The following FAM227B variants were observed in gnomAD, a reference collection of about 807,000 sequenced individuals.
The protein encoded by FAM227B is protein FAM227B.
A neutral mutation model predicts 73.8 loss-of-function variants in FAM227B; 88 were observed. That is an observed-to-expected ratio of 1.19 (90% CI 1.00 to 1.42). The LOEUF is 1.42. Ranked by LOEUF, FAM227B falls within the 40% of genes most tolerant of loss-of-function variation. The probability of loss-of-function intolerance (pLI) is 0.00; values close to 1 mark genes in which losing one functional copy is unlikely to be tolerated. For missense variants in FAM227B, 632 were observed against 590.9 expected (o/e 1.07, Z -0.72); for synonymous variants, 210 against 190.5 (o/e 1.10, Z -0.84).
intron 11 of FAM227B, among the ~76,000 whole-genome samples, chr15:49,500,360 A>T (rs982125851): frequency 2.0e-5 from 3 of 152,236 alleles, no homozygotes; most frequent in African/African-American, 7.2e-5. Context: ...TGGGGGCAGA[A>T]CCCCACAAAG....
chr15:49,359,126 A>G (rs1324294484), intron 13 of FAM227B, among the ~76,000 whole-genome samples: 1 of 151,496 alleles, frequency 6.6e-6, no homozygotes, highest in Non-Finnish European at 1.5e-5. Context: ...ACCTAAAACC[A>G]TAAAAACCCT....
intron 13 of FAM227B, among the ~76,000 whole-genome samples, chr15:49,361,629 T>G (rs974457394): frequency 2.0e-5 from 3 of 152,234 alleles, no homozygotes; most frequent in Non-Finnish European, 4.4e-5. Context: ...TACCACGTTT[T>G]CTTTACCTAG....
chr15:49,441,538 A>C (rs185068907), intron 11 of FAM227B, among the ~76,000 whole-genome samples: 1 of 151,772 alleles, frequency 6.6e-6, no homozygotes, highest in Admixed American at 6.6e-5. Flanking sequence ...CATTACAGAC[A>C]AAGTGGGACA....
intron 1 of FAM227B, among the ~76,000 whole-genome samples, chr15:49,618,122 A>C (rs1181713528): frequency 2.0e-5 from 3 of 152,218 alleles, no homozygotes; most frequent in African/African-American, 7.2e-5. Flanking sequence ...TCCTTTTGCC[A>C]TATAAAATAT....
intron 13 of FAM227B, among the ~76,000 whole-genome samples, chr15:49,363,262 A>C (rs907986607): frequency 6.6e-6 from 1 of 152,192 alleles, no homozygotes; most frequent in African/African-American, 2.4e-5. Context: ...CAATCATTGA[A>C]TGTTCTTCCA....
intron 3 of FAM227B, among the ~76,000 whole-genome samples, chr15:49,607,243 CCCT>C (rs980093311): frequency 3.9e-4 from 59 of 152,090 alleles, no homozygotes; most frequent in Non-Finnish European, 7.5e-4. Flanking sequence ...AAAAAGGTCC[CCCT>C]GTCATTTTGA....
chr15:49,523,733 T>C (rs1279651163), intron 10 of FAM227B, among the ~76,000 whole-genome samples: 3 of 152,202 alleles, frequency 2.0e-5, no homozygotes. Context: ...TGGCTTTCAC[T>C]ATCAGCATTT....
intron 13 of FAM227B, among the ~76,000 whole-genome samples, chr15:49,358,376 A>G (rs2043557579): frequency 8.4e-6 from 1 of 118,646 alleles, no homozygotes; most frequent in Non-Finnish European, 1.8e-5. Flanking sequence ...GCTGATAAGC[A>G]ACTTCAGCAA....
chr15:49,473,201 G>A (rs182827626), intron 11 of FAM227B, among the ~76,000 whole-genome samples: 2 of 152,242 alleles, frequency 1.3e-5, no homozygotes, highest in East Asian at 3.9e-4. Context: ...TTAGAAAGAT[G>A]AGACAGATTT....
At chr15:49,573,440 T>C (rs1470978667) in intron 8 of FAM227B, among the ~76,000 whole-genome samples, 1 of 152,218 alleles carries the variant, frequency 6.6e-6, no homozygotes, top group Non-Finnish European at 1.5e-5. Context: ...CCAAAGTTCA[T>C]GTATTGAAAA....
At chr15:49,539,322 T>C (rs2070725301) in intron 10 of FAM227B, among the ~76,000 whole-genome samples, 1 of 152,206 alleles carries the variant, frequency 6.6e-6, no homozygotes, top group Non-Finnish European at 1.5e-5. Context: ...TAATCTCTTT[T>C]TCTCCCATAG....
At chr15:49,592,962 A>G (rs1199089137) in intron 3 of FAM227B, among the ~76,000 whole-genome samples, 3 of 152,180 alleles carry the variant, frequency 2.0e-5, no homozygotes, top group Non-Finnish European at 4.4e-5. Flanking sequence ...AGCAGTGAGC[A>G]AAGTTCCGTG....
At chr15:49,395,178 G>A (rs2047488905) in intron 11 of FAM227B, among the ~76,000 whole-genome samples, 1 of 151,774 alleles carries the variant, frequency 6.6e-6, no homozygotes, top group Non-Finnish European at 1.5e-5. Flanking sequence ...TACCATGTTA[G>A]CTTTCTTTTG....
At chr15:49,401,531 G>A (rs1183874973) in intron 11 of FAM227B, among the ~76,000 whole-genome samples, 7 of 151,096 alleles carry the variant, frequency 4.6e-5, no homozygotes, top group Non-Finnish European at 8.9e-5. Context: ...AAATCATGCT[G>A]CTATAAAGAC....
intron 11 of FAM227B, among the ~76,000 whole-genome samples, chr15:49,493,475 G>C (rs1387823508): frequency 6.6e-6 from 1 of 151,884 alleles, no homozygotes; most frequent in Non-Finnish European, 1.5e-5. Flanking sequence ...CTATCATCCA[G>C]AATGTCTCAA....
chr15:49,336,841 T>C (rs888617520), intron 13 of FAM227B, among the ~76,000 whole-genome samples: 1 of 152,200 alleles, frequency 6.6e-6, no homozygotes, highest in Non-Finnish European at 1.5e-5. Context: ...AGATAGTTTT[T>C]CAACACTTGC....
chr15:49,401,134 G>A (rs71394967), intron 11 of FAM227B, among the ~76,000 whole-genome samples: 1 of 152,220 alleles, frequency 6.6e-6, no homozygotes, highest in Admixed American at 6.5e-5. Flanking sequence ...AATCTACAAT[G>A]AACTCAAACA....
intron 5 of FAM227B, 59 bp from the exon 6 acceptor site, chr15:49,577,723 G>A: frequency 1.8e-6 from 2 of 1,114,898 alleles, no homozygotes; most frequent in Non-Finnish European, 2.6e-6. Flanking sequence ...TTTACATTTA[G>A]TAAATTTGTT....
intron 15 of FAM227B, chr15:49,331,484 C>A: frequency 3.3e-6 from 1 of 301,328 alleles, no homozygotes. Flanking sequence ...GAAAAACTTA[C>A]AATTTTAAAC....
Sources: allele counts gnomAD v4.1 joint callset (sites outside exome capture counted in the v4.1 genomes callset), GRCh38; gene constraint gnomAD v4.1.1; transcripts MANE v1.5; gene names NCBI Gene and HGNC (gene_info 2026-07-23, HGNC 2026-07-21).